The following C12orf56 variants were observed in gnomAD, a reference collection of about 807,000 sequenced individuals.
The protein encoded by C12orf56 is uncharacterized protein C12orf56.
A neutral mutation model predicts 69.9 loss-of-function variants in C12orf56; 71 were observed. The ratio of observed to expected loss-of-function variants is 1.02; its 90% CI spans 0.84 to 1.24. The LOEUF is 1.24. C12orf56 is among the 50% of genes most tolerant of loss of function. The pLI is 0.00. For synonymous variants in C12orf56, 276 were observed against 274.1 expected (o/e 1.01, Z -0.07); for missense variants, 732 against 738.5 (o/e 0.99, Z 0.10).
intron 1 of C12orf56, among the ~76,000 whole-genome samples, chr12:64,381,642 G>A (rs989145600): frequency 2.4e-4 from 37 of 152,302 alleles, no homozygotes; most frequent in African/African-American, 7.9e-4. Context: ...CACTGTCTCA[G>A]TTATAATTTT....
At chr12:64,315,758 C>T (rs532923854) in intron 4 of C12orf56, among the ~76,000 whole-genome samples, 1 of 152,132 alleles carries the variant, frequency 6.6e-6, no homozygotes, top group African/African-American at 2.4e-5. Flanking sequence ...ATGGCGAAAC[C>T]CTGTCTCTAC....
In C12orf56 at chr12:64,266,556, G is replaced by T; in HGVS notation, c.*627C>A. ...TCCAGAAGTGGCGTGGATGCGCCAG[G>T]CCCTGCTGGTGGTGGACATAGTGGA... On this transcript the variant is annotated 3_prime_UTR_variant, in exon 13 of 13. Transcript: ENST00000543942. The T allele has an allele frequency of 3.2e-6, 1 of 312,836 alleles. No homozygotes were observed. The highest frequency in any genetic ancestry group is 6.4e-6 in the Non-Finnish European group (1 of 155,390). The allele number at this position is 312,836 out of a possible 1,614,324, so 19.4% of individuals were successfully genotyped here. A position where few individuals can be genotyped will look rare whatever the true frequency, so the allele number is the denominator to read the frequency against.
chr12:64,285,375 C>G (rs2038185312), intron 7 of C12orf56, among the ~76,000 whole-genome samples: 1 of 152,066 alleles, frequency 6.6e-6, no homozygotes, highest in Non-Finnish European at 1.5e-5. Context: ...AAAGAGAATA[C>G]AGTGAAAGCT....
chr12:64,295,791 A>G (rs886488573), intron 6 of C12orf56, among the ~76,000 whole-genome samples: 6 of 151,056 alleles, frequency 4.0e-5, no homozygotes, highest in African/African-American at 1.5e-4. Flanking sequence ...AGGGAGGGAG[A>G]AAACTATATA....
chr12:64,331,017 T>C lies in C12orf56; in HGVS notation c.431A>G (p.Asn144Ser). Residue 144 changes from asparagine to serine, a missense_variant, in exon 3 of 13, where the codon AAC (asparagine) becomes AGC (serine). By Grantham distance (46) the Asn-to-Ser change is conservative. Transcript: ENST00000543942. The stretch of plus-strand genomic sequence containing the variant: ...TTTGCTTCTCCAAAAGGCAAGGCCG[T>C]TCTTTTCTTCCTTGACTTAAAAAAA... Reference protein sequence around the residue: ...ANNKKVKEEKNGLAFWRSKES... With the variant: ...ANNKKVKEEKSGLAFWRSKES... The C allele has an allele frequency of 6.5e-7, 1 of 1,545,982 alleles. No homozygotes were observed.
intron 3 of C12orf56, among the ~76,000 whole-genome samples, chr12:64,323,371 CAGAG>C (rs1193384585): frequency 1.3e-5 from 2 of 152,180 alleles, no homozygotes; most frequent in Non-Finnish European, 1.5e-5. Flanking sequence ...ATTAGACTGA[CAGAG>C]AGATCTCTGT....
chr12:64,386,474 G>A (rs937264238), intron 1 of C12orf56, among the ~76,000 whole-genome samples: 11 of 150,758 alleles, frequency 7.3e-5, no homozygotes, highest in Admixed American at 3.3e-4. Flanking sequence ...TTGGCTCACC[G>A]CAACCTCCGC....
intron 2 of C12orf56, among the ~76,000 whole-genome samples, chr12:64,337,159 A>T (rs1013677647): frequency 6.6e-6 from 1 of 152,190 alleles, no homozygotes; most frequent in Admixed American, 6.5e-5. Context: ...ATCTATATAG[A>T]TATAGATATA....
At chr12:64,276,005 C>CCG (rs1555185430) in intron 9 of C12orf56, among the ~76,000 whole-genome samples, 1 of 128,588 alleles carries the variant, frequency 7.8e-6, no homozygotes, top group Non-Finnish European at 1.6e-5. Flanking sequence ...ATACACACCC[C>CCG]CCCCCGCGAG....
intron 12 of C12orf56, among the ~76,000 whole-genome samples, chr12:64,269,239 A>C (rs1413718492): frequency 6.6e-6 from 1 of 152,062 alleles, no homozygotes; most frequent in Non-Finnish European, 1.5e-5. Context: ...GTCTTCATCC[A>C]AACAAATGAC....
Position 64,318,823 on chromosome 12 carries a change from T to G in C12orf56, c.646A>C (p.Ser216Arg). The stretch of plus-strand genomic sequence containing the variant: ...GTGTTTGTTGTGCAAGATGGCTCGC[T>G]GACAGCCTTGCCAGTTGTTGGTGCA... ...QSAPTTGKAV[S>R]EPSCTTNTKE... The change falls in exon 4 of 13, where the codon AGC becomes CGC. Residue 216 changes from serine (S) to arginine (R), a missense_variant. Ser to Arg is a moderately radical substitution (Grantham distance 110). Transcript: ENST00000543942. 6.5e-7 allele frequency: 1 copy of G among 1,537,240 alleles called. No individual in the cohort carries two copies.
chr12:64,354,891 C>T (rs886876429), intron 1 of C12orf56, among the ~76,000 whole-genome samples: 4 of 150,650 alleles, frequency 2.7e-5, no homozygotes, highest in African/African-American at 4.9e-5. Flanking sequence ...CCAGCCTGAC[C>T]AACATGGTGA....
chr12:64,308,791 C>T (rs1378648529), intron 5 of C12orf56, among the ~76,000 whole-genome samples: 3 of 148,536 alleles, frequency 2.0e-5, no homozygotes, highest in African/African-American at 7.5e-5. Flanking sequence ...TGCAGTGAGC[C>T]GAGATGGTGC....
chr12:64,317,919 C>T (rs1344098837), intron 4 of C12orf56, among the ~76,000 whole-genome samples: 2 of 152,106 alleles, frequency 1.3e-5, no homozygotes, highest in Non-Finnish European at 2.9e-5. Context: ...ATACTGACAA[C>T]GTTGAACCTT....
At chr12:64,371,855 A>T (rs2039574741) in intron 1 of C12orf56, among the ~76,000 whole-genome samples, 1 of 151,866 alleles carries the variant, frequency 6.6e-6, no homozygotes, top group Non-Finnish European at 1.5e-5. Flanking sequence ...AATAATAAAA[A>T]GAAAATACAG....
At chr12:64,373,986 C>T (rs1188891828) in intron 1 of C12orf56, among the ~76,000 whole-genome samples, 1 of 152,162 alleles carries the variant, frequency 6.6e-6, no homozygotes, top group East Asian at 1.9e-4. Context: ...GGCAAACCCT[C>T]TCATTTTCAT....
At chr12:64,293,070 G>A (rs1200048736) in intron 6 of C12orf56, among the ~76,000 whole-genome samples, 2 of 152,152 alleles carry the variant, frequency 1.3e-5, no homozygotes, top group Non-Finnish European at 2.9e-5. Context: ...CGCTTTTTAA[G>A]CCGGTCTGAA....
rs752756817 is a variant in C12orf56 at position 64,386,398 on chromosome 12, A to ATATT, written c.252+3915_252+3916insAATA. 1.9e-3 allele frequency among the ~76,000 whole-genome samples: 163 copies of ATATT among 87,334 alleles called. 3 individuals carry two copies. The highest frequency in any genetic ancestry group is 7.4e-3 in the African/African-American group (148 of 20,044). The allele number at this position is 87,334 out of a possible 152,430, so 57.3% of individuals were successfully genotyped here. On this transcript the variant is annotated intron_variant, in intron 1 of 12. Transcript: ENST00000543942. ...CTGGCTAATTTTTATATATATATAT[A>ATATT]TTTTTTTTTTTTTTTGAGACGGAGT...
At chr12:64,300,435 G>C (rs1230030626) in intron 6 of C12orf56, among the ~76,000 whole-genome samples, 2 of 152,076 alleles carry the variant, frequency 1.3e-5, no homozygotes, top group Non-Finnish European at 1.5e-5. Context: ...ATCCCATTAG[G>C]AATACACATC....
Sources: gnomAD v4.1 joint callset for allele counts (sites outside exome capture counted in the v4.1 genomes callset) on GRCh38, gnomAD v4.1.1 for gene constraint, MANE v1.5 for transcripts, NCBI Gene and HGNC (gene_info 2026-07-23, HGNC 2026-07-21) for gene names.